The following NFKBID variants were observed in gnomAD, a reference collection of about 807,000 sequenced individuals.
NFKBID encodes the protein NF-kappa-B inhibitor delta.
In NFKBID, 26 loss-of-function variants were observed where a neutral mutation model predicts 53.4. The ratio of observed to expected loss-of-function variants is 0.49; its 90% CI spans 0.36 to 0.68. The LOEUF (loss-of-function observed/expected upper bound fraction) is 0.68, where lower values mean the gene tolerates loss of function less well. Ranked by LOEUF, NFKBID falls within the 30% of genes least tolerant of loss-of-function variation. NFKBID has a pLI of 0.00. For synonymous variants in NFKBID, 262 were observed against 259.8 expected, an observed-to-expected ratio of 1.01 and a Z score of -0.08; for missense variants, 493 against 614.1, an observed-to-expected ratio of 0.80 and a Z score of 2.08.
chr19:35,899,380 C>T (rs1975417325), intron 1 of NFKBID, among the ~76,000 whole-genome samples: 1 of 151,956 alleles, frequency 6.6e-6, no homozygotes, highest in Admixed American at 6.6e-5. Flanking sequence ...AGGTGGCCAA[C>T]ATGGTGAAAC....
At chr19:35,892,965 G>A (rs1974874726) in intron 9 of NFKBID, among the ~76,000 whole-genome samples, 1 of 152,134 alleles carries the variant, frequency 6.6e-6, no homozygotes, top group Non-Finnish European at 1.5e-5. Context: ...AGGAGTTCGA[G>A]ACCAGCCTGG....
chr19:35,888,668 G>A lies in NFKBID; in HGVS notation c.1315-56C>T, dbSNP rs150135637. ...CTGTCAGGTTGGAAGGAGAGGTGGG[G>A]AAGGCACGCCATGCAGAGGGAGGGG... On this transcript the variant is annotated intron_variant, in intron 11 of 11. Coordinates refer to ENST00000641389, the Ensembl canonical transcript of NFKBID. The A allele has an allele frequency of 9.3e-4, 1,267 of 1,362,548 alleles. 9 individuals are homozygous for A. The African/African-American group carries it at 0.016, about 18-fold the overall frequency. The allele number at this position is 1,362,548 out of a possible 1,614,324, so 84.4% of individuals were successfully genotyped here. A position where few individuals can be genotyped will look rare whatever the true frequency, so the allele number is the denominator to read the frequency against.
At chr19:35,897,892 T>C in intron 3 of NFKBID, 36 bp from the exon 4 acceptor site, 1 of 1,445,308 alleles carries the variant, frequency 6.9e-7, no homozygotes, top group Non-Finnish European at 9.4e-7. Flanking sequence ...CAGGTCTGGT[T>C]ACCAGAGTTG....
chr19:35,890,947 C>T (rs1174923639), intron 9 of NFKBID, among the ~76,000 whole-genome samples: 1 of 152,166 alleles, frequency 6.6e-6, no homozygotes, highest in African/African-American at 2.4e-5. Context: ...ATGTCTTGTG[C>T]ACCGCACAAC....
chr19:35,900,991 C>T (rs1975543679), upstream of NFKBID, among the ~76,000 whole-genome samples: 1 of 151,928 alleles, frequency 6.6e-6, no homozygotes, highest in Admixed American at 6.6e-5. Context: ...GGACACCATG[C>T]CTGGCTAATT....
At position 35,888,629 on chromosome 19, in the gene NFKBID, G is replaced by A. The variant is rs777927390; in HGVS notation, c.1315-17C>T. 1.3e-6 allele frequency: 2 copies of A among 1,566,978 alleles called. No homozygotes were observed. Among genetic ancestry groups the A allele is most frequent in the South Asian group, 2.3e-5 (2 of 85,242 alleles). On this transcript the variant is annotated splice_polypyrimidine_tract_variant and intron_variant, in intron 11 of 11. Coordinates refer to ENST00000641389, the Ensembl canonical transcript of NFKBID. ...CTGCCGGAGCTGTAGACAAGGCAAAGGAGGGAGAGAAGTCTGTCAGGTTGG... is the reference window on the plus strand; with the variant it reads ...CTGCCGGAGCTGTAGACAAGGCAAAAGAGGGAGAGAAGTCTGTCAGGTTGG...
At chr19:35,899,423 G>A (rs1975418870) in intron 1 of NFKBID, among the ~76,000 whole-genome samples, 1 of 151,846 alleles carries the variant, frequency 6.6e-6, no homozygotes. Flanking sequence ...AAATTAGCCG[G>A]GCGTGGTGGC....
At chr19:35,900,827 C>CTTTTTTTTTTTTTTTTTTTTTTTTTT (rs60365058), upstream of NFKBID, among the ~76,000 whole-genome samples, 103 of 107,596 alleles carry the variant, frequency 9.6e-4, no homozygotes, top group Non-Finnish European at 1.1e-3. Context: ...TTTTTCTTTT[C>CTTTTTTTTTTTTTTTTTTTTTTTTTT]TTTTTTTTTT....
exon 11 of NFKBID, chr19:35,890,022 A>T: frequency 6.2e-7 from 1 of 1,606,862 alleles, no homozygotes; most frequent in South Asian, 1.1e-5. Context: ...GGGGCAGGGC[A>T]GCCGCCATGT....
Position 35,896,344 on chromosome 19 carries a change from C to A in NFKBID, c.831+48G>T, listed in dbSNP as rs1354384144. The A allele has an allele frequency of 1.2e-6, 2 of 1,613,860 alleles. No individual in the cohort carries two copies. Among genetic ancestry groups the A allele is most frequent in the Admixed American group, 3.3e-5 (2 of 59,982 alleles). On this transcript the variant is annotated intron_variant, in intron 7 of 11. Transcript: ENST00000641389. This position sits in a 1 kb window ranked among gnomAD's most constrained non-coding sequence, Gnocchi z 5.7. ...CTGGCCCTGGAAGCCAAAATCTGGGCAACCAGTCTACCCCCCAGACAAACC... is the reference window on the plus strand; with the variant it reads ...CTGGCCCTGGAAGCCAAAATCTGGGAAACCAGTCTACCCCCCAGACAAACC...
chr19:35,891,678 G>A (rs1974776389), intron 9 of NFKBID, among the ~76,000 whole-genome samples: 1 of 152,032 alleles, frequency 6.6e-6, no homozygotes, highest in African/African-American at 2.4e-5. Context: ...AGACCAGCCT[G>A]GCCAACATGG....
At chr19:35,890,522 C>T in intron 9 of NFKBID, 32 bp from the exon 10 acceptor site, 1 of 1,443,740 alleles carries the variant, frequency 6.9e-7, no homozygotes, top group Non-Finnish European at 9.8e-7. Context: ...AGGTCAGGGC[C>T]AGCCTCACAC....
At chr19:35,895,357 G>T (rs145760868) in intron 9 of NFKBID, among the ~76,000 whole-genome samples, 2 of 151,020 alleles carry the variant, frequency 1.3e-5, no homozygotes, top group Non-Finnish European at 2.9e-5. Context: ...GCATGGTGGC[G>T]TGCGCCTATA....
At chr19:35,895,958 G>T in intron 9 of NFKBID, 22 bp downstream of exon 9, 1 of 1,604,348 alleles carries the variant, frequency 6.2e-7, no homozygotes, top group South Asian at 1.1e-5. Flanking sequence ...CCCAGGGTCT[G>T]ACCGCCCACA....
exon 10 of NFKBID, chr19:35,890,433 G>A: frequency 1.2e-6 from 2 of 1,614,112 alleles, no homozygotes; most frequent in Non-Finnish European, 1.7e-6. Context: ...AGCTGAACCA[G>A]AGTGGGGTTG....
chr19:35,896,359 C>T lies in NFKBID; in HGVS notation c.831+33G>A, dbSNP rs1180388722. 6.2e-7 allele frequency: 1 copy of T among 1,614,092 alleles called. No homozygotes were observed. The highest frequency in any genetic ancestry group is 1.7e-5 in the Admixed American group (1 of 60,016). On this transcript the variant is annotated intron_variant, in intron 7 of 11. Transcript: ENST00000641389. The surrounding 1 kb of genome is among the most constrained non-coding windows in gnomAD (Gnocchi z 5.7). ...AAAATCTGGGCAACCAGTCTACCCCCCAGACAAACCCCTGCCTGCCAGCTG... is the reference window on the plus strand; with the variant it reads ...AAAATCTGGGCAACCAGTCTACCCCTCAGACAAACCCCTGCCTGCCAGCTG...
At chr19:35,898,434 G>GAAGGGGGAT in intron 3 of NFKBID, 38 bp downstream of exon 3, 1 of 1,378,422 alleles carries the variant, frequency 7.3e-7, no homozygotes, top group Non-Finnish European at 9.9e-7. Flanking sequence ...GTCCCTTAGG[G>GAAGGGGGAT]AAGGGGGATG....
chr19:35,897,003 A>T, exon 5 of NFKBID: 1 of 1,607,082 alleles, frequency 6.2e-7, no homozygotes, highest in Non-Finnish European at 8.5e-7. Flanking sequence ...TCCAGGGACC[A>T]CAGCGGGGAA....
At chr19:35,897,036 G>A (rs745790717) in exon 5 of NFKBID, 1 of 1,604,312 alleles carries the variant, frequency 6.2e-7, no homozygotes, top group Non-Finnish European at 8.5e-7. Context: ...TGAAGGGGGT[G>A]CAGAAACTCT....
Sources: gnomAD v4.1 joint callset for allele counts (sites outside exome capture counted in the v4.1 genomes callset) on GRCh38, gnomAD v4.1.1 for gene constraint, Gnocchi (gnomAD v3.1) non-coding constraint, MANE v1.5 for transcripts, NCBI Gene and HGNC (gene_info 2026-07-23, HGNC 2026-07-21) for gene names.